The following CAPS2 variants were observed in gnomAD, a reference collection of about 807,000 sequenced individuals.
The protein encoded by CAPS2 is calcyphosin-2.
A neutral mutation model predicts 86.5 loss-of-function variants in CAPS2; 98 were observed. The observed-to-expected ratio is 1.13, with a 90% CI of 0.96 to 1.34. The LOEUF is 1.34. Ranked by LOEUF, CAPS2 falls within the 40% of genes most tolerant of loss-of-function variation. CAPS2 has a pLI of 0.00. For synonymous variants in CAPS2, 210 were observed against 225.1 expected, an observed-to-expected ratio of 0.93 and a Z score of 0.60; for missense variants, 729 against 686.8, an observed-to-expected ratio of 1.06 and a Z score of -0.69.
chr12:75,283,035 A>T (rs1264929534), intron 15 of CAPS2, among the ~76,000 whole-genome samples: 2 of 152,210 alleles, frequency 1.3e-5, no homozygotes, highest in Non-Finnish European at 2.9e-5. Context: ...AGAGATTGCC[A>T]AGACGAATAT....
intron 16 of CAPS2, among the ~76,000 whole-genome samples, chr12:75,281,145 G>T (rs955073231): frequency 1.3e-5 from 2 of 151,944 alleles, no homozygotes; most frequent in African/African-American, 4.8e-5. Context: ...TGGCAAAGTT[G>T]TGGAGGAAAA....
At chr12:75,286,446 T>C (rs1241228865) in intron 14 of CAPS2, among the ~76,000 whole-genome samples, 2 of 151,874 alleles carry the variant, frequency 1.3e-5, no homozygotes, top group African/African-American at 4.8e-5. Context: ...TTAAAAGAAA[T>C]AATTTTCAAG....
intron 15 of CAPS2, among the ~76,000 whole-genome samples, chr12:75,283,917 C>T (rs2034425096): frequency 6.6e-6 from 1 of 152,132 alleles, no homozygotes; most frequent in South Asian, 2.1e-4. Context: ...AGGAGAGAGG[C>T]CTCAGAAGAA....
chr12:75,384,640 T>C (rs1380860100), intron 1 of CAPS2, among the ~76,000 whole-genome samples: 1 of 152,170 alleles, frequency 6.6e-6, no homozygotes, highest in Non-Finnish European at 1.5e-5. Flanking sequence ...GAATACTTCT[T>C]AACTCATTCT....
intron 1 of CAPS2, chr12:75,373,423 TC>T (rs1251096841): frequency 6.6e-6 from 1 of 152,232 alleles, no homozygotes. Flanking sequence ...TCTCCAAATT[TC>T]TTTGTCATCA....
At chr12:75,339,453 T>A (rs543452557) in intron 1 of CAPS2, among the ~76,000 whole-genome samples, 7 of 152,252 alleles carry the variant, frequency 4.6e-5, no homozygotes, top group African/African-American at 1.7e-4. Flanking sequence ...GGGTTGTTCT[T>A]TAAATTTATT....
intron 11 of CAPS2, 59 bp downstream of exon 11, chr12:75,298,628 G>C (rs2138512689): frequency 7.6e-7 from 1 of 1,317,768 alleles, no homozygotes; most frequent in Admixed American, 1.7e-5. Flanking sequence ...CCACCTCCAT[G>C]GGACTCCACA....
intron 14 of CAPS2, among the ~76,000 whole-genome samples, chr12:75,286,237 C>G (rs1180307145): frequency 6.6e-6 from 1 of 151,864 alleles, no homozygotes; most frequent in Non-Finnish European, 1.5e-5. Context: ...TCTAAAGATG[C>G]CTGCCTTCCC....
chr12:75,298,653 G>C, intron 11 of CAPS2, 34 bp downstream of exon 11: 1 of 1,523,532 alleles, frequency 6.6e-7, no homozygotes, highest in South Asian at 1.1e-5. Context: ...CCACCATCTG[G>C]TATTAAATGT....
intron 1 of CAPS2, chr12:75,366,911 A>G (rs1180860353): frequency 1.4e-6 from 1 of 701,798 alleles, no homozygotes; most frequent in Admixed American, 2.0e-5. Flanking sequence ...CTGCATGTCA[A>G]AAGGGGTTAA....
Position 75,322,990 on chromosome 12 carries a change from T to C in CAPS2, c.275A>G (p.Tyr92Cys), listed in dbSNP as rs746941455. 4 of 1,528,346 alleles carry C rather than the reference T, an allele frequency of 2.6e-6. No individual in the cohort carries two copies. In the South Asian group the frequency reaches 3.6e-5, roughly 14 times the overall value. The allele number at this position is 1,528,346 out of a possible 1,614,324, so 94.7% of individuals were successfully genotyped here. The change falls in exon 4 of 17, where the codon TAT becomes TGT. Residue 92 changes from tyrosine to cysteine, a missense_variant. Tyr to Cys is a radical substitution (Grantham distance 194). Transcript: ENST00000393284. ...AATACTAACCAATTTATTTAGATGA[T>C]ACTGAGTATATGGAGTTTGACATGG...
chr12:75,342,260 T>C (rs1268972795), intron 1 of CAPS2, among the ~76,000 whole-genome samples: 1 of 152,152 alleles, frequency 6.6e-6, no homozygotes, highest in Non-Finnish European at 1.5e-5. Flanking sequence ...CCTACACATA[T>C]ACAAAAATAA....
rs1565900924 is a variant in CAPS2, at chr12:75,321,404, T to TA, written c.463_464insT (p.Glu155ValfsTer7). 1 of 1,530,788 alleles carries TA rather than the reference T, an allele frequency of 6.5e-7. No homozygotes were observed. The highest frequency in any genetic ancestry group is 2.1e-5 in the Admixed American group (1 of 47,158). The allele number at this position is 1,530,788 out of a possible 1,614,324, so 94.8% of individuals were successfully genotyped here. ...TTTTAAAGCCTCATACATTACCTTT[T>TA]CATCTATCTTGTTTCTTGGAGACTG... is the stretch of plus-strand genomic sequence containing the variant. On this transcript the variant is annotated frameshift_variant, in exon 5 of 17. Transcript: ENST00000393284. LOFTEE classifies it high-confidence loss of function.
At chr12:75,347,655 G>A (rs763514806) in intron 1 of CAPS2, 2 of 1,609,240 alleles carry the variant, frequency 1.2e-6, no homozygotes, top group South Asian at 2.2e-5. Flanking sequence ...TGTCGGTTGT[G>A]CAGTTGCAAT....
At chr12:75,316,243 G>T in intron 6 of CAPS2, 69 bp downstream of exon 6, 1 of 1,522,792 alleles carries the variant, frequency 6.6e-7, no homozygotes, top group Non-Finnish European at 8.9e-7. Context: ...ATTCCATTCA[G>T]TCTTTAAAAT....
rs2138240958 is a variant in CAPS2 at position 75,289,787 on chromosome 12, G to C, written c.1241-12C>G. The C allele has an allele frequency of 6.3e-7, 1 of 1,594,760 alleles. No homozygotes were observed. The highest frequency in any genetic ancestry group is 8.5e-7 in the Non-Finnish European group (1 of 1,169,648). ...TTCTTTTAGCACATCTGTTCAACAAGAAGAGAGATGAAAACAAATTGTTCC... is the reference window on the plus strand; with the variant it reads ...TTCTTTTAGCACATCTGTTCAACAACAAGAGAGATGAAAACAAATTGTTCC... On this transcript the variant is annotated splice_polypyrimidine_tract_variant and intron_variant, in intron 13 of 16. Coordinates refer to ENST00000393284, the Ensembl canonical transcript of CAPS2.
chr12:75,368,205 G>A lies in CAPS2; in HGVS notation c.-395+22633C>T, dbSNP rs746519067. On this transcript the variant is annotated intron_variant, in intron 1 of 5. Transcript: ENST00000551829. ...TTCATTCTCGTGATAAATCCAATTT[G>A]GTCATGAGGTTTCCTTAAGAGATGG... Among the ~76,000 whole-genome samples, 175 of 151,094 alleles carry A rather than the reference G, an allele frequency of 1.2e-3. 2 individuals are homozygous for A. The highest frequency in any genetic ancestry group is 1.9e-3 in the Non-Finnish European group (132 of 67,766).
chr12:75,368,229 G>A (rs1303179639), intron 1 of CAPS2, among the ~76,000 whole-genome samples: 1 of 151,096 alleles, frequency 6.6e-6, no homozygotes, highest in African/African-American at 2.4e-5. Flanking sequence ...CTTAAGAGAT[G>A]GCTAGATTCT....
At chr12:75,369,922 A>G in intron 1 of CAPS2, 2 of 1,241,602 alleles carry the variant, frequency 1.6e-6, no homozygotes, top group Non-Finnish European at 2.2e-6. Flanking sequence ...TTCTTGTTTT[A>G]TAACATTTTA....
Sources: gnomAD v4.1 joint callset for allele counts (sites outside exome capture counted in the v4.1 genomes callset) on GRCh38, gnomAD v4.1.1 for gene constraint, MANE v1.5 for transcripts, NCBI Gene and HGNC (gene_info 2026-07-23, HGNC 2026-07-21) for gene names.